NSMAF: variants seen among roughly 807,000 people sequenced by gnomAD.
The protein encoded by NSMAF is neutral sphingomyelinase activation associated factor.
In NSMAF, 90 loss-of-function variants were observed where a neutral mutation model predicts 134.9. That is an observed-to-expected ratio of 0.67 (90% CI 0.56 to 0.79). The LOEUF (loss-of-function observed/expected upper bound fraction) is 0.79, where lower values mean the gene tolerates loss of function less well. Ranked by LOEUF, NSMAF falls within the 30% of genes least tolerant of loss-of-function variation. The probability of loss-of-function intolerance (pLI) is 0.00; values close to 1 mark genes in which losing one functional copy is unlikely to be tolerated. For missense variants in NSMAF, 1,010 were observed against 1,119.0 expected (o/e 0.90, Z 1.39); for synonymous variants, 358 against 389.6 (o/e 0.92, Z 0.96).
At chr8:58,631,604 G>A (rs962784465) in intron 5 of NSMAF, 58 bp from the exon 6 acceptor site, 7 of 930,112 alleles carry the variant, frequency 7.5e-6, no homozygotes, top group African/African-American at 1.7e-5. Context: ...ATTGTAAAGA[G>A]TAACTACAAA....
chr8:58,591,036 T>G, intron 23 of NSMAF, 102 bp from the exon 24 acceptor site: 1 of 1,312,544 alleles, frequency 7.6e-7, no homozygotes, highest in Non-Finnish European at 1.0e-6. Flanking sequence ...AACAGTACAC[T>G]TTATACTCCA....
At chr8:58,606,205 T>G (rs532275866) in intron 11 of NSMAF, among the ~76,000 whole-genome samples, 170 bp from the exon 12 acceptor site, 54 of 152,256 alleles carry the variant, frequency 3.5e-4, no homozygotes, top group African/African-American at 1.3e-3. Flanking sequence ...TATACACATA[T>G]ACGTTTGCGT....
At chr8:58,590,735 AAG>A (rs1371526365) in intron 24 of NSMAF, 130 bp downstream of exon 24, 10 of 932,240 alleles carry the variant, frequency 1.1e-5, no homozygotes, top group Non-Finnish European at 1.5e-5. Context: ...TAATCTAACT[AAG>A]GTATCTGGTA....
chr8:58,585,664 GTATTCTC>G lies in NSMAF; in HGVS notation c.2640_2646del (p.Glu880AspfsTer8). On this transcript the variant is annotated frameshift_variant, in exon 30 of 31. Transcript: ENST00000038176. LOFTEE classifies it high-confidence loss of function. ...AGTAGCTGCTTACCTGTGTGGCCCTGTATTCTCTCACTGATTTTTGCTCCAAGGAGGT... is the reference window on the plus strand; with the variant it reads ...AGTAGCTGCTTACCTGTGTGGCCCTGTCACTGATTTTTGCTCCAAGGAGGT... 6.2e-7 allele frequency: 1 copy of G among 1,612,506 alleles called. No individual in the cohort carries two copies. Among genetic ancestry groups the G allele is most frequent in the Non-Finnish European group, 8.5e-7 (1 of 1,178,538 alleles).
chr8:58,586,093 C>T, intron 28 of NSMAF, 93 bp from the exon 29 acceptor site: 1 of 971,494 alleles, frequency 1.0e-6, no homozygotes, highest in Non-Finnish European at 1.6e-6. Flanking sequence ...GTGGCCTAAT[C>T]TCCACATTCG....
intron 26 of NSMAF, among the ~76,000 whole-genome samples, chr8:58,588,067 A>C (rs1373517448): frequency 6.6e-6 from 1 of 152,260 alleles, no homozygotes; most frequent in East Asian, 1.9e-4. Flanking sequence ...AAATAGGTAC[A>C]GGCAAATAAA....
intron 9 of NSMAF, among the ~76,000 whole-genome samples, chr8:58,622,943 T>G (rs2129144310): frequency 6.6e-6 from 1 of 152,012 alleles, no homozygotes; most frequent in South Asian, 2.1e-4. Flanking sequence ...GTGTTCTGGG[T>G]GGGAGGTGAC....
rs563103404 is a variant in NSMAF, at chr8:58,638,008, T to C, written c.150-2462A>G. On this transcript the variant is annotated intron_variant, in intron 2 of 30. Transcript: ENST00000038176. ...AGAAACAGAAAAAAAGAAATTAACA[T>C]TGATATTGACCCACAAAATAAACAA... Among the ~76,000 whole-genome samples the C allele has an allele frequency of 2.6e-5, 4 of 152,308 alleles. No homozygotes were observed. In the East Asian group the frequency reaches 7.7e-4, roughly 29 times the overall value.
intron 23 of NSMAF, chr8:58,591,146 A>G: frequency 2.6e-6 from 1 of 379,684 alleles, no homozygotes; most frequent in Non-Finnish European, 4.5e-6. Flanking sequence ...TGACAAAAAC[A>G]TCAATTTAAA....
At chr8:58,645,761 C>T (rs1367545643) in intron 1 of NSMAF, among the ~76,000 whole-genome samples, 2 of 152,134 alleles carry the variant, frequency 1.3e-5, no homozygotes, top group Non-Finnish European at 2.9e-5. Context: ...AAATAATAGG[C>T]CAGGCGCAGC....
At chr8:58,587,380 G>T (rs1805909239) in intron 27 of NSMAF, among the ~76,000 whole-genome samples, 1 of 152,210 alleles carries the variant, frequency 6.6e-6, no homozygotes, top group Non-Finnish European at 1.5e-5. Context: ...ATTCTAGTTG[G>T]ATGGTAGCTA....
Position 58,606,052 on chromosome 8 carries a change from A to AAGATAATAAAAT in NSMAF, c.760-18_760-17insATTTTATTATCT, listed in dbSNP as rs1554574353. On this transcript the variant is annotated splice_polypyrimidine_tract_variant and intron_variant, in intron 11 of 30. Transcript: ENST00000038176. ...TTCCAAGCCCTATAAATTCAAAAAG[A>AAGATAATAAAAT]AAATAATAAAATAAATAGCATTGTA... The AAGATAATAAAAT allele has an allele frequency of 6.7e-7, 1 of 1,485,236 alleles. No homozygotes were observed. Among genetic ancestry groups the AAGATAATAAAAT allele is most frequent in the African/African-American group, 1.4e-5 (1 of 70,224 alleles). 92.0% of individuals were successfully genotyped at this position (1,485,236 alleles called of 1,614,324 possible). A position where few individuals can be genotyped will look rare whatever the true frequency, so the allele number is the denominator to read the frequency against.
In NSMAF at chr8:58,586,464, T is replaced by C; in HGVS notation, c.2440A>G (p.Ser814Gly). ...HSGIVCDTAF[S>G]PDSRHVLSTG... The stretch of plus-strand genomic sequence containing the variant: ...TAAAAAGGATAATATCTACCTGGGC[T>C]AAAAGCAGTGTCACATACAATCCCT... Residue 814 changes from serine to glycine, a missense_variant, in exon 28 of 31, where the codon AGC becomes GGC. Ser to Gly is a moderately conservative substitution (Grantham distance 56). Coordinates refer to ENST00000038176, the MANE Select transcript of NSMAF (RefSeq NM_003580.4). 7 of 1,607,304 alleles carry C rather than the reference T, an allele frequency of 4.4e-6. No individual in the cohort carries two copies. The highest frequency in any genetic ancestry group is 5.9e-6 in the Non-Finnish European group (7 of 1,179,912).
At chr8:58,641,439 G>A (rs1189845277) in intron 2 of NSMAF, among the ~76,000 whole-genome samples, 2 of 151,796 alleles carry the variant, frequency 1.3e-5, no homozygotes, top group African/African-American at 4.8e-5. Context: ...GTCTCCACTA[G>A]CTTTTAGTTT....
intron 1 of NSMAF, among the ~76,000 whole-genome samples, chr8:58,649,350 CT>C (rs1807530145): frequency 6.6e-6 from 1 of 152,140 alleles, no homozygotes; most frequent in Non-Finnish European, 1.5e-5. Flanking sequence ...ATTTTACAGG[CT>C]CATAGGTGGA....
At chr8:58,598,332 T>G (rs1175715961) in intron 19 of NSMAF, among the ~76,000 whole-genome samples, 1 of 151,574 alleles carries the variant, frequency 6.6e-6, no homozygotes, top group Admixed American at 6.6e-5. Flanking sequence ...GAAGGTATAT[T>G]GCTGCTATTT....
chr8:58,632,040 GCCATC>G (rs1807066842), intron 5 of NSMAF, among the ~76,000 whole-genome samples: 1 of 152,070 alleles, frequency 6.6e-6, no homozygotes, highest in African/African-American at 2.4e-5. Flanking sequence ...ATCTACCAGA[GCCATC>G]AATCTCCTTG....
chr8:58,601,306 T>G lies in NSMAF; in HGVS notation c.1259A>C (p.Asn420Thr), dbSNP rs144256965. The change falls in exon 16 of 31, where the codon AAT (asparagine) becomes ACT (threonine). Residue 420 changes from asparagine to threonine, a missense_variant. Physicochemically the swap from Asn to Thr is moderately conservative, Grantham distance 65. Transcript: ENST00000038176. Reference sequence around the variant, plus strand: ...AAACCTGTTGAACATTCTATCTGCATTATCAAATCTTCCATTCTGCAGGCA... The same window carrying G: ...AAACCTGTTGAACATTCTATCTGCAGTATCAAATCTTCCATTCTGCAGGCA... Reference protein sequence around the residue: ...MLCLQNGRFDNADRMFNSIAE... With the variant: ...MLCLQNGRFDTADRMFNSIAE... 1.8e-4 allele frequency: 296 copies of G among 1,613,942 alleles called. No individual in the cohort carries two copies. The African/African-American group carries it at 3.4e-3, about 19-fold the overall frequency.
rs746178682 is a variant in NSMAF at position 58,601,365 on chromosome 8, C to CA, written c.1217-18dup. Reference sequence around the variant, plus strand: ...ACTCTGGTGCTAGAGGGGAAAAAGTCAGAGGTAAGTCAGGTCACAGAATCA... The same window carrying CA: ...ACTCTGGTGCTAGAGGGGAAAAAGTCAAGAGGTAAGTCAGGTCACAGAATCA... On this transcript the variant is annotated splice_polypyrimidine_tract_variant and intron_variant, in intron 15 of 30. Transcript: ENST00000038176. 13 of 1,613,212 alleles carry CA rather than the reference C, an allele frequency of 8.1e-6. No homozygotes were observed. Among genetic ancestry groups the CA allele is most frequent in the Non-Finnish European group, 1.0e-5 (12 of 1,179,456 alleles).
Sources: allele counts gnomAD v4.1 joint callset (sites outside exome capture counted in the v4.1 genomes callset), GRCh38; gene constraint gnomAD v4.1.1; transcripts MANE v1.5; gene names NCBI Gene and HGNC (gene_info 2026-07-23, HGNC 2026-07-21).